The following MOXD1 variants were observed in gnomAD, a reference collection of about 807,000 sequenced individuals.
MOXD1 encodes the protein monooxygenase DBH like 1.
In MOXD1, 62 loss-of-function variants were observed where a neutral mutation model predicts 66.6. The ratio of observed to expected loss-of-function variants is 0.93; its 90% CI spans 0.76 to 1.15. MOXD1 has a LOEUF of 1.15. MOXD1 is among the 50% of genes most tolerant of loss of function. The pLI, the probability that MOXD1 is intolerant of heterozygous loss-of-function variation, is 0.00. For synonymous variants in MOXD1, 303 were observed against 281.9 expected (o/e 1.07, Z -0.75); for missense variants, 847 against 754.6 (o/e 1.12, Z -1.44).
chr6:132,297,445 C>A, intron 11 of MOXD1, 128 bp from the exon 12 acceptor site: 1 of 950,018 alleles, frequency 1.1e-6, no homozygotes, highest in Non-Finnish European at 1.6e-6. Flanking sequence ...AGGAGTCACA[C>A]ACTGGGGGAG....
At chr6:132,336,785 T>C (rs1247000446) in intron 4 of MOXD1, among the ~76,000 whole-genome samples, 1 of 152,088 alleles carries the variant, frequency 6.6e-6, no homozygotes, top group Non-Finnish European at 1.5e-5. Flanking sequence ...GCGAGGAGGC[T>C]TCTGGGAAAT....
At chr6:132,303,275 T>G (rs952260816) in intron 10 of MOXD1, among the ~76,000 whole-genome samples, 2 of 151,908 alleles carry the variant, frequency 1.3e-5, no homozygotes, top group Non-Finnish European at 2.9e-5. Flanking sequence ...AGAACTTACA[T>G]CCAAAGTATA....
intron 1 of MOXD1, among the ~76,000 whole-genome samples, chr6:132,397,019 TA>T (rs1776896746): frequency 6.6e-6 from 1 of 152,208 alleles, no homozygotes; most frequent in Admixed American, 6.5e-5. Context: ...AGTGAAAGAC[TA>T]AGTCATAAAA....
intron 10 of MOXD1, among the ~76,000 whole-genome samples, chr6:132,315,366 C>G (rs951849850): frequency 1.3e-5 from 2 of 152,196 alleles, no homozygotes; most frequent in Admixed American, 6.6e-5. Context: ...TTCTGCTTTG[C>G]ATGCTTTCAC....
At chr6:132,343,673 A>AC (rs1481376394) in intron 4 of MOXD1, among the ~76,000 whole-genome samples, 1 of 152,236 alleles carries the variant, frequency 6.6e-6, no homozygotes, top group Non-Finnish European at 1.5e-5. Context: ...AATGAAAACA[A>AC]CAATGACATA....
chr6:132,322,618 T>A, intron 8 of MOXD1, 61 bp downstream of exon 8: 1 of 1,519,018 alleles, frequency 6.6e-7, no homozygotes. Context: ...TTGCCACATC[T>A]CAGCAGATAT....
chr6:132,389,486 A>T (rs1339761524), intron 1 of MOXD1, among the ~76,000 whole-genome samples: 1 of 151,348 alleles, frequency 6.6e-6, no homozygotes, highest in African/African-American at 2.4e-5. Flanking sequence ...TAGTTACTCA[A>T]CTTGGCCCAC....
intron 1 of MOXD1, among the ~76,000 whole-genome samples, chr6:132,381,773 C>A (rs1350719254): frequency 1.3e-5 from 2 of 152,044 alleles, no homozygotes; most frequent in East Asian, 1.9e-4. Flanking sequence ...AAACATTGAC[C>A]AATTAAGAGT....
At chr6:132,324,416 G>A (rs1035176141) in intron 6 of MOXD1, among the ~76,000 whole-genome samples, 2 of 152,102 alleles carry the variant, frequency 1.3e-5, no homozygotes, top group African/African-American at 2.4e-5. Context: ...ACAGAATGAA[G>A]ATTCTAAAGT....
chr6:132,336,328 A>C (rs1775438020), intron 4 of MOXD1, among the ~76,000 whole-genome samples: 2 of 152,164 alleles, frequency 1.3e-5, no homozygotes, highest in Admixed American at 1.3e-4. Flanking sequence ...CTCTGGAAAA[A>C]GTTATCAAGA....
intron 1 of MOXD1, chr6:132,392,285 G>T: frequency 6.2e-7 from 1 of 1,601,690 alleles, no homozygotes; most frequent in Non-Finnish European, 8.5e-7. Context: ...CAGTTTTTGA[G>T]ACAAGCAAGC....
intron 1 of MOXD1, among the ~76,000 whole-genome samples, chr6:132,392,831 TG>T (rs1776795522): frequency 6.6e-6 from 1 of 152,236 alleles, no homozygotes; most frequent in Admixed American, 6.5e-5. Flanking sequence ...ATATCCTCTT[TG>T]CGGAAATATC....
chr6:132,324,084 A>G lies in MOXD1; in HGVS notation c.960T>C (p.Asn320=). 1 of 1,613,244 alleles carries G rather than the reference A, an allele frequency of 6.2e-7. No individual in the cohort carries two copies. The highest frequency in any genetic ancestry group is 8.5e-7 in the Non-Finnish European group (1 of 1,179,580). ...NPTYEEGLID[N]SGLRLFYTMD... is the part of the protein sequence containing the mutation. Reference sequence around the variant, plus strand: ...TTGTGTAAAATAACCTCAGTCCAGAATTATCTATTAAGCCTAGAACAAAAG... The same window carrying G: ...TTGTGTAAAATAACCTCAGTCCAGAGTTATCTATTAAGCCTAGAACAAAAG... Residue 320 remains asparagine (N), a synonymous_variant, in exon 7 of 12, where the codon AAT becomes AAC. Transcript: ENST00000367963.
chr6:132,400,542 A>C (rs1776998815), intron 1 of MOXD1, among the ~76,000 whole-genome samples: 2 of 152,012 alleles, frequency 1.3e-5, no homozygotes, highest in South Asian at 4.2e-4. Context: ...AAGTTTTGTC[A>C]CTTCATAGGA....
intron 1 of MOXD1, among the ~76,000 whole-genome samples, chr6:132,386,460 G>GA (rs58733612): frequency 0.097 from 14,269 of 147,180 alleles, 1,356 homozygotes; most frequent in East Asian, 0.39. Flanking sequence ...AAAAAAACGG[G>GA]AAAAGAGATG....
intron 1 of MOXD1, among the ~76,000 whole-genome samples, chr6:132,375,900 T>G (rs1776368946): frequency 6.6e-6 from 1 of 152,232 alleles, no homozygotes; most frequent in Non-Finnish European, 1.5e-5. Flanking sequence ...ATACCTATTT[T>G]ATAGATTTTG....
chr6:132,374,540 C>A, intron 2 of MOXD1, 91 bp downstream of exon 2: 5 of 1,092,670 alleles, frequency 4.6e-6, no homozygotes, highest in South Asian at 2.3e-5. Context: ...AGAAAAAAGA[C>A]TATATGACTT....
chr6:132,381,724 C>T lies in MOXD1; in HGVS notation c.265-6947G>A, dbSNP rs9375879. ...GGATAGGTTATTGTGTTACTATCAT[C>T]CTCTAGGAAAAATACTAGAGAATGA... On this transcript the variant is annotated intron_variant, in intron 1 of 11. Transcript: ENST00000367963. Among the ~76,000 whole-genome samples, 5,813 of 152,186 alleles carry T rather than the reference C, an allele frequency of 0.038. 585 individuals are homozygous for T. The East Asian group carries it at 0.41, about 11-fold the overall frequency.
chr6:132,379,333 A>G (rs1328585486), intron 1 of MOXD1, among the ~76,000 whole-genome samples: 6 of 152,208 alleles, frequency 3.9e-5, no homozygotes, highest in Admixed American at 3.9e-4. Context: ...CCCTCAGTAA[A>G]CTAGCAATAG....
Sources: gnomAD v4.1 joint callset for allele counts (sites outside exome capture counted in the v4.1 genomes callset) on GRCh38, gnomAD v4.1.1 for gene constraint, MANE v1.5 for transcripts, NCBI Gene and HGNC (gene_info 2026-07-23, HGNC 2026-07-21) for gene names.